RBFOX1: variants seen among roughly 807,000 people sequenced by gnomAD.
RBFOX1 encodes RNA binding fox-1 homolog 1, also known as RNA binding protein fox-1 homolog 1.
RBFOX1 carries 8 observed loss-of-function variants against 57.7 expected under a neutral mutation model. The ratio of observed to expected loss-of-function variants is 0.14; its 90% confidence interval spans 0.08 to 0.25. RBFOX1 has a LOEUF of 0.25. RBFOX1 is among the 10% of genes least tolerant of loss of function. The probability of loss-of-function intolerance (pLI) is 1.00; values close to 1 mark genes in which losing one functional copy is unlikely to be tolerated. For missense variants in RBFOX1, 611 were observed against 548.5 expected (o/e 1.11, Z -1.14); for synonymous variants, 326 against 222.4 (o/e 1.47, Z -4.15).
At chr16:6,119,515 A>C (rs1188696475) in intron 1 of RBFOX1, among the ~76,000 whole-genome samples, 3 of 152,212 alleles carry the variant, frequency 2.0e-5, no homozygotes, top group Admixed American at 2.0e-4. Flanking sequence ...TTGATGGCCC[A>C]ATGGTGATTT....
At chr16:5,980,614 C>T (rs79022756) in intron 4 of RBFOX1, among the ~76,000 whole-genome samples, 4,174 of 152,114 alleles carry the variant, frequency 0.027, 182 homozygotes, top group African/African-American at 0.094. Context: ...TGCTTGGTGA[C>T]TTTGGAGGGG....
At chr16:5,785,224 C>G (rs921521639) in intron 3 of RBFOX1, among the ~76,000 whole-genome samples, 1 of 152,220 alleles carries the variant, frequency 6.6e-6, no homozygotes, top group African/African-American at 2.4e-5. Flanking sequence ...AGTGAAGGCA[C>G]TACCTCAGTG....
intron 3 of RBFOX1, among the ~76,000 whole-genome samples, chr16:5,767,401 G>T (rs975861316): frequency 2.6e-5 from 4 of 152,222 alleles, no homozygotes; most frequent in Non-Finnish European, 5.9e-5. Context: ...CACGCTATGG[G>T]AGTGAAGGTT....
chr16:5,600,345 G>T (rs73523700), downstream of RBFOX1, among the ~76,000 whole-genome samples: 1,064 of 151,672 alleles, frequency 7.0e-3, 12 homozygotes, highest in African/African-American at 0.024. Flanking sequence ...AATTAGCTGA[G>T]CGTGGTGTTG....
intron 4 of RBFOX1, among the ~76,000 whole-genome samples, chr16:7,118,247 A>G (rs1354146450): frequency 6.6e-6 from 1 of 152,128 alleles, no homozygotes; most frequent in Non-Finnish European, 1.5e-5. Context: ...CCATGCTAAC[A>G]TCTATTGTTG....
At chr16:7,004,262 A>G (rs2093102780) in intron 3 of RBFOX1, 1 of 152,226 alleles carries the variant, frequency 6.6e-6, no homozygotes, top group South Asian at 2.1e-4. Context: ...AATGCATAAG[A>G]ACAACGCATT....
chr16:6,555,573 G>A (rs188661895), intron 2 of RBFOX1, among the ~76,000 whole-genome samples: 33 of 152,080 alleles, frequency 2.2e-4, no homozygotes, highest in Admixed American at 6.5e-5. Flanking sequence ...GGTGGCGGGC[G>A]CCTGTAGTCC....
At chr16:7,332,277 A>T (rs1345582258) in intron 4 of RBFOX1, among the ~76,000 whole-genome samples, 2 of 152,182 alleles carry the variant, frequency 1.3e-5, no homozygotes, top group East Asian at 3.9e-4. Flanking sequence ...GACTTCAGAG[A>T]CTTGTTGTGA....
intron 5 of RBFOX1, among the ~76,000 whole-genome samples, chr16:7,518,866 T>C (rs2076952861): frequency 6.6e-6 from 1 of 151,714 alleles, no homozygotes; most frequent in Admixed American, 6.6e-5. Context: ...CTACAAGAAA[T>C]TTAAAATTTA....
intron 3 of RBFOX1, among the ~76,000 whole-genome samples, chr16:6,951,354 C>G (rs573108609): frequency 6.6e-6 from 1 of 152,298 alleles, no homozygotes; most frequent in East Asian, 1.9e-4. Context: ...TTCTGGCTAA[C>G]TCTTTCTACC....
intron 4 of RBFOX1, among the ~76,000 whole-genome samples, chr16:7,268,364 A>G (rs1209965581): frequency 6.6e-6 from 1 of 152,186 alleles, no homozygotes; most frequent in African/African-American, 2.4e-5. Flanking sequence ...GAAGAAGTCC[A>G]GGCAGCCTTG....
intron 1 of RBFOX1, among the ~76,000 whole-genome samples, chr16:6,170,850 C>G (rs902180203): frequency 1.3e-5 from 2 of 152,134 alleles, no homozygotes; most frequent in African/African-American, 4.8e-5. Flanking sequence ...ATTTGGTTTT[C>G]TGTTCCTGCC....
chr16:5,321,857 A>G (rs1297431935), intron 1 of RBFOX1, among the ~76,000 whole-genome samples: 1 of 152,144 alleles, frequency 6.6e-6, no homozygotes, highest in Admixed American at 6.5e-5. Context: ...TCTTCATCCA[A>G]GGTGACCTCT....
chr16:5,666,822 G>T (rs2049860318), intron 3 of RBFOX1, among the ~76,000 whole-genome samples: 1 of 152,182 alleles, frequency 6.6e-6, no homozygotes, highest in Admixed American at 6.5e-5. Context: ...CTTTTGTGGG[G>T]TAACTCCGGA....
intron 2 of RBFOX1, among the ~76,000 whole-genome samples, chr16:6,630,960 G>A (rs1393735230): frequency 6.6e-6 from 1 of 152,086 alleles, no homozygotes; most frequent in East Asian, 1.9e-4. Flanking sequence ...CTTATTGAAT[G>A]CATTTAGATT....
At chr16:6,967,851 C>A (rs1394824465) in intron 3 of RBFOX1, among the ~76,000 whole-genome samples, 1 of 152,158 alleles carries the variant, frequency 6.6e-6, no homozygotes, top group Non-Finnish European at 1.5e-5. Flanking sequence ...ACCAGACATA[C>A]TTCCTGAAGA....
intron 1 of RBFOX1, among the ~76,000 whole-genome samples, chr16:6,068,283 G>A (rs952564384): frequency 1.3e-5 from 2 of 152,160 alleles, no homozygotes; most frequent in African/African-American, 4.8e-5. Flanking sequence ...TTGTTTTCAG[G>A]AATGTGGCAG....
chr16:7,015,556 G>C (rs939105387), intron 3 of RBFOX1, among the ~76,000 whole-genome samples: 2 of 152,296 alleles, frequency 1.3e-5, no homozygotes, highest in East Asian at 3.9e-4. Flanking sequence ...GACTGCTTTG[G>C]ATAGAAGGTT....
chr16:6,248,037 A>C lies in RBFOX1; in HGVS notation c.-126-68958A>C, dbSNP rs1041845896. Among the ~76,000 whole-genome samples, 4 of 152,318 alleles carry C rather than the reference A, an allele frequency of 2.6e-5. No homozygotes were observed. In the East Asian group the frequency reaches 5.8e-4, roughly 22 times the overall value. ...CTTTATCATCAATCCCTTCAAGTAC[A>C]AAAGGCCACTGTTCAGAAACTGTTA... On this transcript the variant is annotated intron_variant, in intron 1 of 15. Coordinates refer to ENST00000550418, the MANE Select transcript of RBFOX1 (RefSeq NM_018723.4).
Sources: gnomAD v4.1 joint callset for allele counts (sites outside exome capture counted in the v4.1 genomes callset) on GRCh38, gnomAD v4.1.1 for gene constraint, MANE v1.5 for transcripts, NCBI Gene and HGNC (gene_info 2026-07-23, HGNC 2026-07-21) for gene names.